STXBP6: variants seen among roughly 807,000 people sequenced by gnomAD.
STXBP6 encodes the protein syntaxin binding protein 6.
STXBP6 carries 21 observed loss-of-function variants against 26.9 expected under a neutral mutation model. That is an observed-to-expected ratio of 0.78 (90% CI 0.55 to 1.12). STXBP6 has a LOEUF of 1.12. Among genes scored for constraint, STXBP6 ranks in the 50% most tolerant of loss-of-function variants. STXBP6 has a pLI of 0.00. For synonymous variants in STXBP6, 97 were observed against 92.6 expected, an observed-to-expected ratio of 1.05 and a Z score of -0.27; for missense variants, 232 against 257.9, an observed-to-expected ratio of 0.90 and a Z score of 0.69.
Position 24,856,008 on chromosome 14 carries a change from G to C in STXBP6, c.379C>G (p.His127Asp), listed in dbSNP as rs144510253. 1.9e-6 allele frequency: 3 copies of C among 1,611,636 alleles called. No homozygotes were observed. The highest frequency in any genetic ancestry group is 2.7e-5 in the African/African-American group (2 of 74,762). The part of the protein sequence containing the change: ...SEKCTFFQIL[H>D]HTCQRYLTDR... ...GTGAGGTACCTCTGGCAGGTATGGT[G>C]GAGGATCTGGAAGAAGGTGCATTTT... is the stretch of plus-strand genomic sequence containing the variant. Residue 127 changes from histidine to aspartate, a missense_variant, in exon 4 of 6, where the codon CAC (histidine) becomes GAC (aspartate). His to Asp is a moderately conservative substitution (Grantham distance 81, BLOSUM62 -1). Coordinates refer to ENST00000323944, the MANE Select transcript of STXBP6 (RefSeq NM_001394410.1).
chr14:24,811,943 G>C lies in STXBP6; in HGVS notation c.*766C>G, dbSNP rs1219308166. ...CAAGAGAAACATCTGTGAGTACACA[G>C]AGGGTTTTAGGTAGGCTTTTCTTTA... On this transcript the variant is annotated 3_prime_UTR_variant, in exon 6 of 6. Transcript: ENST00000323944. The C allele has an allele frequency of 6.6e-6, 1 of 152,150 alleles. No homozygotes were observed. Among genetic ancestry groups the C allele is most frequent in the Non-Finnish European group, 1.5e-5 (1 of 68,030 alleles). 9.4% of individuals were successfully genotyped at this position (152,150 alleles called of 1,614,324 possible).
Position 24,812,396 on chromosome 14 carries a change from AACTAC to A in STXBP6, c.*308_*312del. ...TCATTTGGTCCAAATTTCATATTCA[AACTAC>A]AAAAAATATTTTTTAATAAAGAAAA... On this transcript the variant is annotated 3_prime_UTR_variant, in exon 6 of 6. Coordinates refer to ENST00000323944, the MANE Select transcript of STXBP6 (RefSeq NM_001394410.1). The A allele has an allele frequency of 4.3e-6, 1 of 233,264 alleles. No homozygotes were observed. 14.4% of individuals were successfully genotyped at this position (233,264 alleles called of 1,614,324 possible). A position where few individuals can be genotyped will look rare whatever the true frequency, so the allele number is the denominator to read the frequency against.
At chr14:24,822,019 G>A (rs1016439760) in intron 4 of STXBP6, among the ~76,000 whole-genome samples, 15 of 152,064 alleles carry the variant, frequency 9.9e-5, no homozygotes, top group Non-Finnish European at 4.4e-5. Context: ...TCCAGCTCCT[G>A]ACTTCCATAA....
At chr14:25,039,635 C>A (rs954207959) in intron 1 of STXBP6, among the ~76,000 whole-genome samples, 1 of 152,104 alleles carries the variant, frequency 6.6e-6, no homozygotes, top group Admixed American at 6.5e-5. Context: ...TAGCCCTCTT[C>A]ATTTCCTGGA....
intron 1 of STXBP6, among the ~76,000 whole-genome samples, chr14:25,013,738 C>T (rs76287435): frequency 1.1e-5 from 1 of 87,198 alleles, no homozygotes; most frequent in East Asian, 3.6e-4. Flanking sequence ...TCCCATTTGA[C>T]AAAAAAAAAA....
intron 2 of STXBP6, among the ~76,000 whole-genome samples, chr14:24,962,180 C>T (rs946999177): frequency 6.6e-6 from 1 of 152,052 alleles, no homozygotes; most frequent in Non-Finnish European, 1.5e-5. Context: ...ATGGCATAAC[C>T]CTAAAGCGAG....
intron 2 of STXBP6, among the ~76,000 whole-genome samples, chr14:24,895,026 A>AT (rs1331467138): frequency 2.0e-5 from 3 of 151,906 alleles, no homozygotes; most frequent in Non-Finnish European, 2.9e-5. Context: ...CTAAAATGAG[A>AT]TTTTTTTCTA....
intron 2 of STXBP6, among the ~76,000 whole-genome samples, chr14:24,964,822 C>T (rs548675127): frequency 6.6e-6 from 1 of 152,170 alleles, no homozygotes; most frequent in South Asian, 2.1e-4. Flanking sequence ...CCTCAGAGAA[C>T]GTTTTGTTTT....
intron 2 of STXBP6, among the ~76,000 whole-genome samples, chr14:24,923,785 T>C (rs1365281733): frequency 1.3e-5 from 2 of 152,198 alleles, no homozygotes; most frequent in Admixed American, 6.5e-5. Context: ...GGGTTGTCTT[T>C]ATTATTCTGT....
chr14:25,009,709 C>T (rs1275373640), intron 1 of STXBP6, among the ~76,000 whole-genome samples: 1 of 152,184 alleles, frequency 6.6e-6, no homozygotes, highest in East Asian at 1.9e-4. Flanking sequence ...AAAACACCCA[C>T]ATGTAGCCTC....
chr14:25,039,216 T>C (rs997016651), intron 1 of STXBP6, among the ~76,000 whole-genome samples: 1 of 152,170 alleles, frequency 6.6e-6, no homozygotes, highest in Admixed American at 6.5e-5. Context: ...CATAAAAGAA[T>C]ACAAAAGTAT....
At chr14:24,818,887 G>T (rs2068057987) in intron 5 of STXBP6, 150 bp downstream of exon 5, 1 of 1,051,094 alleles carries the variant, frequency 9.5e-7, no homozygotes, top group Admixed American at 3.1e-5. Flanking sequence ...CACGACTCAG[G>T]TGTTTAGTAA....
chr14:24,826,137 A>C (rs572861206), intron 4 of STXBP6, among the ~76,000 whole-genome samples: 1 of 152,294 alleles, frequency 6.6e-6, no homozygotes, highest in East Asian at 1.9e-4. Context: ...AATAACTGTT[A>C]ATTTCAAGTC....
chr14:24,978,985 T>C (rs1271735701), intron 1 of STXBP6, among the ~76,000 whole-genome samples: 1 of 152,168 alleles, frequency 6.6e-6, no homozygotes, highest in Non-Finnish European at 1.5e-5. Flanking sequence ...CCAAGAGTAG[T>C]AGTAGGAACT....
At chr14:25,037,105 T>C (rs1034382430) in intron 1 of STXBP6, among the ~76,000 whole-genome samples, 1 of 152,122 alleles carries the variant, frequency 6.6e-6, no homozygotes, top group Non-Finnish European at 1.5e-5. Context: ...GGCAGGACCC[T>C]GAAAGGCCCT....
chr14:24,875,671 T>C (rs975913367), intron 2 of STXBP6, among the ~76,000 whole-genome samples: 1 of 152,238 alleles, frequency 6.6e-6, no homozygotes, highest in African/African-American at 2.4e-5. Flanking sequence ...AATTTTCTAT[T>C]TCACTTAAGA....
rs2069484396 is a variant in STXBP6, at chr14:24,860,179, CA to C, written c.155-3023del. On this transcript the variant is annotated intron_variant, in intron 2 of 5. Transcript: ENST00000323944. The stretch of plus-strand genomic sequence containing the variant: ...TGGCCCCTCCATGAGACACTTTATA[CA>C]AACAAAATTCGAAAACTTGCTATAC... Among the ~76,000 whole-genome samples the C allele has an allele frequency of 2.0e-5, 3 of 152,158 alleles. No individual in the cohort carries two copies. In the South Asian group the frequency reaches 6.2e-4, roughly 32 times the overall value.
intron 2 of STXBP6, among the ~76,000 whole-genome samples, chr14:24,952,619 A>T (rs933869595): frequency 3.9e-5 from 6 of 152,166 alleles, no homozygotes; most frequent in Non-Finnish European, 7.3e-5. Flanking sequence ...CACAGTTAAA[A>T]CTCTCTTTGT....
At chr14:24,949,196 G>A (rs2073087713) in intron 2 of STXBP6, among the ~76,000 whole-genome samples, 1 of 152,130 alleles carries the variant, frequency 6.6e-6, no homozygotes, top group Admixed American at 6.5e-5. Context: ...ATTACACAAT[G>A]CCAGTATTTT....
Sources: allele counts gnomAD v4.1 joint callset (sites outside exome capture counted in the v4.1 genomes callset), GRCh38; gene constraint gnomAD v4.1.1; transcripts MANE v1.5; gene names NCBI Gene and HGNC (gene_info 2026-07-23, HGNC 2026-07-21).